The following AGK variants were observed in gnomAD, a reference collection of about 807,000 sequenced individuals.
AGK encodes acylglycerol kinase, mitochondrial.
Under a neutral mutation model 66.4 loss-of-function variants are expected in AGK, and 52 were observed. The observed-to-expected ratio is 0.78, with a 90% CI of 0.63 to 0.99. AGK has a LOEUF of 0.99. Ranked by LOEUF, AGK falls within the 50% of genes least tolerant of loss-of-function variation. The pLI, the probability that AGK is intolerant of heterozygous loss-of-function variation, is 0.00. For missense variants in AGK, 451 were observed against 506.6 expected (o/e 0.89, Z 1.05); for synonymous variants, 182 against 181.1 (o/e 1.00, Z -0.04).
chr7:141,615,590 G>A (rs1381862802), intron 8 of AGK, 25 bp downstream of exon 8: 6 of 1,571,472 alleles, frequency 3.8e-6, no homozygotes, highest in East Asian at 2.2e-5. Context: ...TGGGGAATTA[G>A]CATTTGTGGG....
At chr7:141,604,673 T>G (rs987159715) in intron 5 of AGK, among the ~76,000 whole-genome samples, 1 of 141,422 alleles carries the variant, frequency 7.1e-6, no homozygotes, top group African/African-American at 2.7e-5. Context: ...ACCCTCCGCC[T>G]CCCGGGTTCA....
At chr7:141,625,713 C>T (rs1206740395) in intron 9 of AGK, among the ~76,000 whole-genome samples, 1 of 152,036 alleles carries the variant, frequency 6.6e-6, no homozygotes, top group Admixed American at 6.6e-5. Flanking sequence ...CCACCTCTTC[C>T]TCTCATGCCC....
At chr7:141,587,519 G>A (rs1047024935) in intron 2 of AGK, among the ~76,000 whole-genome samples, 5 of 152,268 alleles carry the variant, frequency 3.3e-5, no homozygotes, top group African/African-American at 1.2e-4. Context: ...CTCCCACAGC[G>A]GGTGGCCTCC....
chr7:141,578,323 G>A lies in AGK; in HGVS notation c.102-14823G>A, dbSNP rs565787158. Among the ~76,000 whole-genome samples, 49 of 151,742 alleles carry A rather than the reference G, an allele frequency of 3.2e-4. 1 individual carries two copies. The South Asian group carries it at 9.4e-3, about 29-fold the overall frequency. On this transcript the variant is annotated intron_variant, in intron 2 of 15. Transcript: ENST00000649286. ...GAGCTTTTGAGCCAAGATGAGCCAG[G>A]AGAAGGAATTTCACAAGGTAATGTC... is the stretch of plus-strand genomic sequence containing the variant.
At chr7:141,590,039 A>G (rs1038442409) in intron 2 of AGK, among the ~76,000 whole-genome samples, 3 of 152,250 alleles carry the variant, frequency 2.0e-5, no homozygotes, top group African/African-American at 7.2e-5. Context: ...CAAAATTAAT[A>G]AACTCAGGAG....
intron 7 of AGK, among the ~76,000 whole-genome samples, chr7:141,614,973 G>A (rs568081786): frequency 1.3e-5 from 2 of 152,210 alleles, no homozygotes; most frequent in South Asian, 4.2e-4. Context: ...TGTATGTGTG[G>A]CATTTAATTA....
chr7:141,579,749 A>G (rs1169281803), intron 2 of AGK, among the ~76,000 whole-genome samples: 13 of 151,942 alleles, frequency 8.6e-5, no homozygotes, highest in Non-Finnish European at 1.9e-4. Context: ...GCGGCTTATA[A>G]CCTACATGGA....
chr7:141,596,748 T>A lies in AGK; in HGVS notation c.221+107T>A. ...TGTGTGGAATTGGAAGAACTAGGTT[T>A]AGTACTCTTCTAGCAATAAGATTCA... On this transcript the variant is annotated intron_variant, in intron 4 of 15. Transcript: ENST00000649286. 3 of 917,448 alleles carry A rather than the reference T, an allele frequency of 3.3e-6. No individual in the cohort carries two copies. In the South Asian group the frequency reaches 4.4e-5, roughly 14 times the overall value. 56.8% of individuals were successfully genotyped at this position (917,448 alleles called of 1,614,324 possible).
chr7:141,612,090 G>A (rs527461661), intron 6 of AGK, among the ~76,000 whole-genome samples: 21 of 152,260 alleles, frequency 1.4e-4, no homozygotes, highest in South Asian at 4.1e-4. Flanking sequence ...CCTTTAGTAG[G>A]TGAATGAATA....
intron 6 of AGK, 64 bp downstream of exon 6, chr7:141,611,351 G>A (rs1796585630): frequency 8.5e-7 from 1 of 1,181,820 alleles, no homozygotes; most frequent in Admixed American, 2.1e-5. Flanking sequence ...AAATCCTAGA[G>A]CAATGGTATG....
intron 2 of AGK, among the ~76,000 whole-genome samples, chr7:141,570,667 C>A: frequency 6.8e-6 from 1 of 147,204 alleles, no homozygotes; most frequent in East Asian, 2.0e-4. Flanking sequence ...TTAAAGTAAA[C>A]CCAGATATTA....
rs115928783 is a variant in AGK at position 141,568,043 on chromosome 7, A to T, written c.101+12476A>T. On this transcript the variant is annotated intron_variant, in intron 2 of 15. Transcript: ENST00000649286. ...GAATAAATGCTAGTAATTGTGAGTA[A>T]ACTTGATATAATACATACTCAGCCC... Among the ~76,000 whole-genome samples, 492 of 152,280 alleles carry T rather than the reference A, an allele frequency of 3.2e-3. 3 individuals are homozygous for T. Among genetic ancestry groups the T allele is most frequent in the African/African-American group, 0.011 (469 of 41,556 alleles).
At chr7:141,649,440 T>C in intron 14 of AGK, 107 bp downstream of exon 14, 1 of 847,432 alleles carries the variant, frequency 1.2e-6, no homozygotes, top group African/African-American at 1.7e-5. Flanking sequence ...AAGCCTTGTC[T>C]TGTTTGGGAA....
At chr7:141,625,064 T>G (rs2116981689) in intron 9 of AGK, among the ~76,000 whole-genome samples, 1 of 152,330 alleles carries the variant, frequency 6.6e-6, no homozygotes, top group African/African-American at 2.4e-5. Context: ...ACTAAAGGCC[T>G]AGATAATTGT....
At chr7:141,605,517 A>C (rs992419026) in intron 5 of AGK, among the ~76,000 whole-genome samples, 5 of 152,140 alleles carry the variant, frequency 3.3e-5, no homozygotes, top group African/African-American at 1.2e-4. Flanking sequence ...TGCTAGTTTT[A>C]TATTTAGTGT....
rs1797597680 is a variant in AGK, at chr7:141,652,848, A to T, written c.1193A>T (p.Lys398Ile). 6.2e-7 allele frequency: 1 copy of T among 1,613,940 alleles called. No homozygotes were observed. Among genetic ancestry groups the T allele is most frequent in the Non-Finnish European group, 8.5e-7 (1 of 1,179,946 alleles). ...EEYEAMPVEV[K>I]LLPRKLQFFC... The stretch of plus-strand genomic sequence containing the variant: ...TATGAAGCGATGCCTGTGGAGGTGA[A>T]ACTGCTCCCCAGGAAGCTGCAGTTC... Residue 398 changes from lysine to isoleucine, a missense_variant, in exon 16 of 16, where the codon AAA (lysine) becomes ATA (isoleucine). Coordinates refer to ENST00000649286, the MANE Select transcript of AGK (RefSeq NM_018238.4).
At chr7:141,552,572 G>T in intron 1 of AGK, among the ~76,000 whole-genome samples, 1 of 152,158 alleles carries the variant, frequency 6.6e-6, no homozygotes. Context: ...GAGAACCCCT[G>T]TTCTAGACAC....
In AGK at chr7:141,564,799, C is replaced by T. The variant is rs181038088; in HGVS notation, c.101+9232C>T. Among the ~76,000 whole-genome samples the T allele has an allele frequency of 6.2e-4, 95 of 152,074 alleles. No homozygotes were observed. In the East Asian group the frequency reaches 9.7e-3, roughly 16 times the overall value. ...GGCTGGAGTGCAACGGCATGATCTC[C>T]ACTCACCACAACCTCTGCCTTCTGG... On this transcript the variant is annotated intron_variant, in intron 2 of 15. Coordinates refer to ENST00000649286, the MANE Select transcript of AGK (RefSeq NM_018238.4).
At position 141,611,256 on chromosome 7, in the gene AGK, T is replaced by C; in HGVS notation, c.359T>C (p.Ile120Thr). Residue 120 changes from isoleucine (I) to threonine (T), a missense_variant, in exon 6 of 16, where the codon ATT becomes ACT. Transcript: ENST00000649286. ...LELMENTDVI[I>T]VAGGDGTLQE... Reference sequence around the variant, plus strand: ...CTGATGGAAAACACGGATGTGATCATTGTTGCAGGAGGAGATGGGACACTG... The same window carrying C: ...CTGATGGAAAACACGGATGTGATCACTGTTGCAGGAGGAGATGGGACACTG... The C allele has an allele frequency of 6.2e-7, 1 of 1,613,518 alleles. No homozygotes were observed. Among genetic ancestry groups the C allele is most frequent in the East Asian group, 2.2e-5 (1 of 44,842 alleles).
Sources: allele counts gnomAD v4.1 joint callset (sites outside exome capture counted in the v4.1 genomes callset), GRCh38; gene constraint gnomAD v4.1.1; transcripts MANE v1.5; gene names NCBI Gene and HGNC (gene_info 2026-07-23, HGNC 2026-07-21).